Variants in LRP1B observed in about 807,000 individuals in gnomAD.
The protein encoded by LRP1B is low-density lipoprotein receptor-related protein 1B.
A neutral mutation model predicts 556.6 loss-of-function variants in LRP1B; 217 were observed. The observed-to-expected ratio is 0.39, with a 90% confidence interval of 0.35 to 0.44. LRP1B has a LOEUF of 0.44. LRP1B is among the 20% of genes least tolerant of loss of function. The pLI is 1.00. For missense variants in LRP1B, 5,053 were observed against 5,620.8 expected, an observed-to-expected ratio of 0.90 and a Z score of 3.23; for synonymous variants, 2,047 against 1,865.8, an observed-to-expected ratio of 1.10 and a Z score of -2.50.
chr2:140,364,588 A>T (rs2105150889), intron 72 of LRP1B, 73 bp downstream of exon 72: 1 of 1,554,360 alleles, frequency 6.4e-7, no homozygotes. Flanking sequence ...TCACCTCCCC[A>T]CTTCATTGAT....
intron 7 of LRP1B, among the ~76,000 whole-genome samples, chr2:141,115,698 G>A (rs1215632556): frequency 6.6e-6 from 1 of 150,888 alleles, no homozygotes; most frequent in Non-Finnish European, 1.5e-5. Flanking sequence ...TAGCCAGGAC[G>A]GTCTCGATCT....
chr2:140,923,810 T>G (rs1694810656), intron 20 of LRP1B, among the ~76,000 whole-genome samples: 1 of 151,932 alleles, frequency 6.6e-6, no homozygotes, highest in Admixed American at 6.6e-5. Context: ...CCAGGTAACA[T>G]TATTGCCCCA....
intron 3 of LRP1B, among the ~76,000 whole-genome samples, chr2:141,265,570 G>A (rs960227898): frequency 1.3e-5 from 2 of 152,144 alleles, no homozygotes; most frequent in Non-Finnish European, 2.9e-5. Context: ...AACTCTTCAT[G>A]TAATGAATAA....
intron 66 of LRP1B, among the ~76,000 whole-genome samples, chr2:140,435,116 G>T (rs981067259): frequency 2.0e-5 from 3 of 152,082 alleles, no homozygotes; most frequent in Non-Finnish European, 4.4e-5. Flanking sequence ...GAAATTGCCA[G>T]CCCAAAAGAT....
At chr2:140,358,638 G>T (rs1037892465) in intron 73 of LRP1B, among the ~76,000 whole-genome samples, 183 bp downstream of exon 73, 1 of 151,628 alleles carries the variant, frequency 6.6e-6, no homozygotes. Flanking sequence ...GGATAAAGGT[G>T]CACACCTATA....
chr2:141,295,746 A>AACACACAC (rs376812743), intron 3 of LRP1B, among the ~76,000 whole-genome samples: 16,419 of 130,428 alleles, frequency 0.13, 1,215 homozygotes, highest in East Asian at 0.17. Flanking sequence ...TGAGGAGAGA[A>AACACACAC]ACACACACAC....
chr2:141,068,562 A>AG lies in LRP1B; in HGVS notation c.1014-6290_1014-6289insC, dbSNP rs1393221498. On this transcript the variant is annotated intron_variant, in intron 7 of 90. Transcript: ENST00000389484. ...CTGACTGCACATGTGGTTGGCAAAA[A>AG]AAAAAAAAAAAAAAAGGAAAGATGG... is the stretch of plus-strand genomic sequence containing the variant. 1.3e-3 allele frequency among the ~76,000 whole-genome samples: 195 copies of AG among 150,864 alleles called. 1 individual carries two copies. The highest frequency in any genetic ancestry group is 3.4e-3 in the Middle Eastern group (1 of 294).
At chr2:141,201,679 C>CT (rs1558929108) in intron 6 of LRP1B, among the ~76,000 whole-genome samples, 2 of 151,686 alleles carry the variant, frequency 1.3e-5, no homozygotes, top group African/African-American at 4.8e-5. Flanking sequence ...ATTTCTTAAC[C>CT]TAACCAAGTT....
chr2:141,100,140 A>T (rs568149846), intron 7 of LRP1B, among the ~76,000 whole-genome samples: 19 of 152,324 alleles, frequency 1.2e-4, no homozygotes, highest in Admixed American at 3.9e-4. Flanking sequence ...ACAAGATGTG[A>T]AACCTAATAT....
intron 32 of LRP1B, among the ~76,000 whole-genome samples, chr2:140,803,777 CTGAT>C (rs1045746156): frequency 4.6e-5 from 7 of 151,940 alleles, no homozygotes; most frequent in African/African-American, 1.5e-4. Context: ...ATTTCAGAAT[CTGAT>C]TGACTCAAAT....
intron 2 of LRP1B, among the ~76,000 whole-genome samples, chr2:141,544,343 C>A (rs1574064657): frequency 1.2e-5 from 1 of 83,464 alleles, no homozygotes. Flanking sequence ...TCTTCTTCTT[C>A]TTCTTCTTCT....
chr2:140,784,141 G>A (rs1689802193), intron 32 of LRP1B, among the ~76,000 whole-genome samples: 1 of 152,058 alleles, frequency 6.6e-6, no homozygotes, highest in Non-Finnish European at 1.5e-5. Flanking sequence ...TCACTGAATT[G>A]TTTTGGCCTA....
rs1705803084 is a variant in LRP1B, at chr2:142,083,691, T to C, written c.82+46957A>G. On this transcript the variant is annotated intron_variant, in intron 1 of 90. Coordinates refer to ENST00000389484, the MANE Select transcript of LRP1B (RefSeq NM_018557.3). ...AACTATCCTACAAATATATGCAGTA[T>C]GAAAAATGTTTTAAAGCAGGTGTCT... Among the ~76,000 whole-genome samples, 5 of 152,330 alleles carry C rather than the reference T, an allele frequency of 3.3e-5. No individual in the cohort carries two copies. The South Asian group carries it at 1.0e-3, about 32-fold the overall frequency.
At chr2:140,898,792 C>T in intron 23 of LRP1B, 1 of 550,820 alleles carries the variant, frequency 1.8e-6, no homozygotes, top group South Asian at 1.5e-5. Context: ...GGAGCGCTAT[C>T]ACCCAACTTT....
At chr2:140,815,364 T>C (rs1048591328) in intron 31 of LRP1B, among the ~76,000 whole-genome samples, 10 of 152,146 alleles carry the variant, frequency 6.6e-5, no homozygotes, top group Admixed American at 5.9e-4. Context: ...TAGAATGCAG[T>C]GGCACAATCA....
chr2:141,905,869 A>G (rs529413743), intron 1 of LRP1B, among the ~76,000 whole-genome samples: 178 of 148,618 alleles, frequency 1.2e-3, no homozygotes, highest in African/African-American at 4.1e-3. Flanking sequence ...CTCTGTGTAT[A>G]TACATCTCTA....
intron 67 of LRP1B, among the ~76,000 whole-genome samples, chr2:140,380,123 G>A (rs1040334305): frequency 2.0e-5 from 3 of 152,052 alleles, no homozygotes; most frequent in African/African-American, 4.8e-5. Context: ...TCTAAGGAAC[G>A]TGCTATACTT....
chr2:140,638,760 TAC>T (rs922861381), intron 41 of LRP1B, among the ~76,000 whole-genome samples: 14 of 151,622 alleles, frequency 9.2e-5, no homozygotes, highest in Admixed American at 2.0e-4. Context: ...TATAAGTATA[TAC>T]ACACACACAC....
intron 37 of LRP1B, among the ~76,000 whole-genome samples, chr2:140,703,984 T>C (rs1050411458): frequency 1.3e-5 from 2 of 152,188 alleles, no homozygotes; most frequent in Non-Finnish European, 2.9e-5. Flanking sequence ...ATGTGTCTTT[T>C]TGGTATAATG....
Sources: gnomAD v4.1 joint callset for allele counts (sites outside exome capture counted in the v4.1 genomes callset) on GRCh38, gnomAD v4.1.1 for gene constraint, MANE v1.5 for transcripts, NCBI Gene and HGNC (gene_info 2026-07-23, HGNC 2026-07-21) for gene names.